Variants in SLC24A2 observed in about 807,000 individuals in gnomAD.
SLC24A2 encodes solute carrier family 24 member 2.
A neutral mutation model predicts 62.0 loss-of-function variants in SLC24A2; 36 were observed. The observed-to-expected ratio is 0.58, with a 90% CI of 0.44 to 0.77. The LOEUF (loss-of-function observed/expected upper bound fraction) is 0.77. Ranked by LOEUF, SLC24A2 falls within the 30% of genes least tolerant of loss-of-function variation. The pLI, the probability that SLC24A2 is intolerant of heterozygous loss-of-function variation, is 0.00. For missense variants in SLC24A2, 846 were observed against 817.9 expected, an observed-to-expected ratio of 1.03 and a Z score of -0.42; for synonymous variants, 358 against 294.0, an observed-to-expected ratio of 1.22 and a Z score of -2.23.
the SLC24A2 span, among the ~76,000 whole-genome samples, chr9:19,921,320 G>A: frequency 1.3e-5 from 2 of 151,768 alleles, no homozygotes; most frequent in East Asian, 3.9e-4. Context: ...TCAGGAGATC[G>A]AGACCATCCT....
chr9:19,550,653 A>G (rs1194289648), intron 7 of SLC24A2, among the ~76,000 whole-genome samples: 1 of 151,896 alleles, frequency 6.6e-6, no homozygotes, highest in East Asian at 1.9e-4. Flanking sequence ...CAGAGTCACA[A>G]GCTTTCAGGC....
intron 7 of SLC24A2, among the ~76,000 whole-genome samples, chr9:19,556,687 C>T (rs190804252): frequency 6.6e-6 from 1 of 152,088 alleles, no homozygotes; most frequent in African/African-American, 2.4e-5. Flanking sequence ...CATTGGGAAG[C>T]CTGTTCAGTG....
chr9:19,810,093 G>A, the SLC24A2 span, among the ~76,000 whole-genome samples: 3 of 152,168 alleles, frequency 2.0e-5, no homozygotes, highest in Non-Finnish European at 4.4e-5. Flanking sequence ...ACTATAGCAA[G>A]CAGCAAAGAG....
At chr9:20,268,665 A>G in the SLC24A2 span, among the ~76,000 whole-genome samples, 3 of 152,344 alleles carry the variant, frequency 2.0e-5, no homozygotes, top group East Asian at 5.8e-4. Flanking sequence ...AATAAATTAT[A>G]TAGCCCAGTT....
the SLC24A2 span, among the ~76,000 whole-genome samples, chr9:20,203,645 A>T: frequency 6.6e-6 from 1 of 152,096 alleles, no homozygotes; most frequent in South Asian, 2.1e-4. Flanking sequence ...AGAGTTCAAG[A>T]CCAGCCTGGG....
intron 7 of SLC24A2, among the ~76,000 whole-genome samples, chr9:19,572,494 C>T (rs1037136523): frequency 6.6e-6 from 1 of 152,032 alleles, no homozygotes; most frequent in African/African-American, 2.4e-5. Flanking sequence ...TGAGATCTGG[C>T]TGCTTGAAAG....
the SLC24A2 span, among the ~76,000 whole-genome samples, chr9:20,006,623 A>G: frequency 1.3e-5 from 2 of 152,130 alleles, no homozygotes; most frequent in Non-Finnish European, 2.9e-5. Flanking sequence ...AAATTAAAAA[A>G]TAAAAATAAA....
At chr9:19,771,735 C>T (rs1295469857) in intron 2 of SLC24A2, among the ~76,000 whole-genome samples, 1 of 152,130 alleles carries the variant, frequency 6.6e-6, no homozygotes, top group Admixed American at 6.6e-5. Context: ...TCTCTTTGCC[C>T]TCGGAATGTG....
intron 5 of SLC24A2, among the ~76,000 whole-genome samples, chr9:19,596,158 G>A (rs554208407): frequency 2.0e-5 from 3 of 152,296 alleles, no homozygotes; most frequent in East Asian, 3.9e-4. Context: ...CCTCTTGCCC[G>A]GGGTTGTCAG....
At chr9:19,984,676 A>T in the SLC24A2 span, among the ~76,000 whole-genome samples, 2 of 152,252 alleles carry the variant, frequency 1.3e-5, no homozygotes, top group Admixed American at 1.3e-4. Flanking sequence ...ACTACATGCC[A>T]GCCTGGGCAA....
At chr9:19,728,123 C>T (rs1459855809) in intron 2 of SLC24A2, among the ~76,000 whole-genome samples, 2 of 152,110 alleles carry the variant, frequency 1.3e-5, no homozygotes, top group Non-Finnish European at 2.9e-5. Context: ...TAGTCAGACA[C>T]ATTATCCATG....
chr9:20,079,382 T>G, the SLC24A2 span, among the ~76,000 whole-genome samples: 1 of 152,346 alleles, frequency 6.6e-6, no homozygotes, highest in Middle Eastern at 3.4e-3. Flanking sequence ...CATACACAGT[T>G]TTTTGCATTA....
the SLC24A2 span, among the ~76,000 whole-genome samples, chr9:20,061,045 A>G: frequency 6.6e-6 from 1 of 152,224 alleles, no homozygotes; most frequent in Non-Finnish European, 1.5e-5. Flanking sequence ...AAATACATCC[A>G]TAAATGGAAA....
At chr9:19,839,420 A>T in the SLC24A2 span, among the ~76,000 whole-genome samples, 3 of 152,150 alleles carry the variant, frequency 2.0e-5, no homozygotes, top group African/African-American at 7.2e-5. Context: ...TGCTTCTTCC[A>T]TTCTTGCTGT....
chr9:20,279,462 C>T, the SLC24A2 span, among the ~76,000 whole-genome samples: 3 of 152,100 alleles, frequency 2.0e-5, no homozygotes, highest in South Asian at 2.1e-4. Context: ...GCCCAGGAGG[C>T]GGAGGATGCA....
At chr9:19,836,084 G>A in the SLC24A2 span, among the ~76,000 whole-genome samples, 8 of 152,142 alleles carry the variant, frequency 5.3e-5, no homozygotes. Flanking sequence ...GCAGTGTGTA[G>A]AGGGAAATTT....
the SLC24A2 span, among the ~76,000 whole-genome samples, chr9:20,112,675 G>C: frequency 3.3e-5 from 5 of 152,122 alleles, no homozygotes; most frequent in South Asian, 8.3e-4. Flanking sequence ...ACATTCTGTA[G>C]GGTCTGTGTC....
chr9:20,006,615 A>G, the SLC24A2 span, among the ~76,000 whole-genome samples: 1 of 152,134 alleles, frequency 6.6e-6, no homozygotes, highest in Non-Finnish European at 1.5e-5. Context: ...ACCCACAAAA[A>G]TTAAAAAATA....
the SLC24A2 span, among the ~76,000 whole-genome samples, chr9:20,034,171 A>T: frequency 6.6e-6 from 1 of 152,172 alleles, no homozygotes; most frequent in Non-Finnish European, 1.5e-5. Flanking sequence ...CTGCTTGATT[A>T]TCTACACGAC....
Sources: gnomAD v4.1 joint callset for allele counts (sites outside exome capture counted in the v4.1 genomes callset) on GRCh38, gnomAD v4.1.1 for gene constraint, MANE v1.5 for transcripts, NCBI Gene and HGNC (gene_info 2026-07-23, HGNC 2026-07-21) for gene names.